CASK: variants seen among roughly 807,000 people sequenced by gnomAD.
CASK encodes the protein peripheral plasma membrane protein CASK.
Under a neutral mutation model 82.9 loss-of-function variants are expected in CASK, and 4 were observed. The ratio of observed to expected loss-of-function variants is 0.05; its 90% CI spans 0.02 to 0.11. The LOEUF is 0.11. Among genes scored for constraint, CASK ranks in the 10% least tolerant of loss-of-function variants. CASK has a pLI of 1.00. For missense variants in CASK, 358 were observed against 720.9 expected, an observed-to-expected ratio of 0.50 and a Z score of 5.76; for synonymous variants, 259 against 253.5, an observed-to-expected ratio of 1.02 and a Z score of -0.20.
chrX:41,912,300 GTTTTTTTTT>G (rs774775542), intron 1 of CASK, among the ~76,000 whole-genome samples: 1 of 53,175 alleles, frequency 1.9e-5, no homozygotes, highest in Middle Eastern at 0.019. Context: ...TTTGTTTTCT[GTTTTTTTTT>G]TTTTTTTTTT....
chrX:41,578,090 C>T (rs771379618), intron 15 of CASK, among the ~76,000 whole-genome samples: 6 of 111,558 alleles, frequency 5.4e-5, no homozygotes, highest in Admixed American at 9.6e-5. Flanking sequence ...AGTATGTTCC[C>T]CTTTTTTTGG....
At chrX:41,878,875 C>G (rs1475682766) in intron 1 of CASK, among the ~76,000 whole-genome samples, 1 of 111,340 alleles carries the variant, frequency 9.0e-6, no homozygotes, top group Non-Finnish European at 1.9e-5. Context: ...TTGTCTATCC[C>G]TTATAACTGT....
intron 1 of CASK, among the ~76,000 whole-genome samples, chrX:41,897,182 C>T (rs992215247): frequency 3.6e-5 from 4 of 111,691 alleles, no homozygotes; most frequent in African/African-American, 1.3e-4. Context: ...CCTTGTCTTC[C>T]TAATCTTAGA....
chrX:41,668,697 C>T (rs982157565), intron 6 of CASK, among the ~76,000 whole-genome samples: 2 of 110,697 alleles, frequency 1.8e-5, no homozygotes, highest in African/African-American at 6.6e-5. Flanking sequence ...AGGAAAATGG[C>T]TTTCTGCTTT....
intron 11 of CASK, among the ~76,000 whole-genome samples, chrX:41,611,835 A>G (rs1247059021): frequency 9.1e-6 from 1 of 110,293 alleles, no homozygotes; most frequent in African/African-American, 3.3e-5. Flanking sequence ...AGTGCCTGCG[A>G]TTGCAGGCGC....
intron 1 of CASK, among the ~76,000 whole-genome samples, chrX:41,866,855 A>G (rs533642554): frequency 1.8e-5 from 2 of 111,451 alleles, no homozygotes; most frequent in South Asian, 7.7e-4. Flanking sequence ...GGTCTCAAAC[A>G]ACGATGTTTC....
chrX:41,739,503 T>A (rs1471234104), intron 4 of CASK, 47 bp from the exon 5 acceptor site: 2 of 805,083 alleles, frequency 2.5e-6, no homozygotes, highest in Admixed American at 4.5e-5. Context: ...ATTTTTATTT[T>A]AAAACTTAAT....
chrX:41,583,185 C>T (rs764996581), intron 14 of CASK, among the ~76,000 whole-genome samples: 1 of 111,876 alleles, frequency 8.9e-6, no homozygotes, highest in African/African-American at 3.2e-5. Flanking sequence ...AATAGCAATG[C>T]ACATATTAAC....
chrX:41,830,427 T>A (rs1417980129), intron 2 of CASK, among the ~76,000 whole-genome samples: 1 of 111,399 alleles, frequency 9.0e-6, no homozygotes, highest in Non-Finnish European at 1.9e-5. Context: ...CACCATCTAC[T>A]ACCATAACTA....
At chrX:41,720,965 A>G (rs954905593) in intron 5 of CASK, among the ~76,000 whole-genome samples, 2 of 112,095 alleles carry the variant, frequency 1.8e-5, no homozygotes, top group Non-Finnish European at 3.8e-5. Flanking sequence ...ATCCATCTCA[A>G]AAGCAGGAAA....
intron 3 of CASK, among the ~76,000 whole-genome samples, chrX:41,769,937 C>A (rs1278787863): frequency 1.8e-5 from 2 of 110,735 alleles, no homozygotes; most frequent in Non-Finnish European, 3.8e-5. Flanking sequence ...AGAGTAAGAC[C>A]CTGTCTCAAC....
At chrX:41,641,289 C>T (rs1401210339) in intron 8 of CASK, among the ~76,000 whole-genome samples, 2 of 111,798 alleles carry the variant, frequency 1.8e-5, no homozygotes, top group Middle Eastern at 4.6e-3. Flanking sequence ...GTGCCTTGCA[C>T]TTTAATGAAG....
At chrX:41,853,821 G>A (rs190782814) in intron 1 of CASK, among the ~76,000 whole-genome samples, 1 of 111,678 alleles carries the variant, frequency 9.0e-6, no homozygotes, top group Admixed American at 9.5e-5. Flanking sequence ...AATCTGATAT[G>A]ATATCCCTGT....
chrX:41,817,878 A>G (rs183867029), intron 2 of CASK, among the ~76,000 whole-genome samples: 92 of 111,629 alleles, frequency 8.2e-4, no homozygotes, highest in African/African-American at 2.8e-3. Context: ...TGAGAGATAT[A>G]TGAGAGATAC....
chrX:41,898,744 T>G (rs1268374205), intron 1 of CASK, among the ~76,000 whole-genome samples: 4 of 111,891 alleles, frequency 3.6e-5, no homozygotes, highest in Non-Finnish European at 7.5e-5. Context: ...GAATTTTCCG[T>G]TTTCTTTTGA....
At chrX:41,811,101 A>G (rs1218335352) in intron 2 of CASK, among the ~76,000 whole-genome samples, 2 of 111,595 alleles carry the variant, frequency 1.8e-5, no homozygotes, top group Admixed American at 9.5e-5. Flanking sequence ...AGAGACCTAC[A>G]AAGAGACTTA....
At chrX:41,862,670 AGAGT>A (rs2071515615) in intron 1 of CASK, among the ~76,000 whole-genome samples, 1 of 110,882 alleles carries the variant, frequency 9.0e-6, no homozygotes, top group African/African-American at 3.3e-5. Flanking sequence ...ACTATGACAG[AGAGT>A]GAGAGACGTT....
At chrX:41,827,773 G>T (rs2070697197) in intron 2 of CASK, among the ~76,000 whole-genome samples, 1 of 111,658 alleles carries the variant, frequency 9.0e-6, no homozygotes, top group East Asian at 2.8e-4. Flanking sequence ...AGGTTTTTTT[G>T]GACATTTGTT....
intron 2 of CASK, among the ~76,000 whole-genome samples, chrX:41,813,977 A>G (rs1269915852): frequency 8.9e-6 from 1 of 112,436 alleles, no homozygotes; most frequent in Non-Finnish European, 1.9e-5. Context: ...ATGCAGCCAA[A>G]AGACACATGA....
Sources: gnomAD v4.1 joint callset for allele counts (sites outside exome capture counted in the v4.1 genomes callset) on GRCh38, gnomAD v4.1.1 for gene constraint, MANE v1.5 for transcripts, NCBI Gene and HGNC (gene_info 2026-07-23, HGNC 2026-07-21) for gene names.